Variants in FSD1L observed in about 807,000 individuals in gnomAD.
FSD1L encodes the protein FSD1-like protein.
Under a neutral mutation model 71.6 loss-of-function variants are expected in FSD1L, and 45 were observed. The observed-to-expected ratio is 0.63, with a 90% CI of 0.49 to 0.81. The LOEUF (loss-of-function observed/expected upper bound fraction) is 0.81, where lower values mean the gene tolerates loss of function less well. Ranked by LOEUF, FSD1L falls within the 30% of genes least tolerant of loss-of-function variation. The pLI is 0.00. For missense variants in FSD1L, 561 were observed against 618.1 expected (o/e 0.91, Z 0.98); for synonymous variants, 197 against 207.2 (o/e 0.95, Z 0.42).
chr9:105,457,959 G>A (rs919606321), intron 1 of FSD1L, among the ~76,000 whole-genome samples: 2 of 152,258 alleles, frequency 1.3e-5, no homozygotes. Context: ...ACACAGTGGT[G>A]CCTGAAAACT....
Position 105,546,540 on chromosome 9 carries a change from T to TTAC in FSD1L, c.*60_*62dup, listed in dbSNP as rs905521633. On this transcript the variant is annotated 3_prime_UTR_variant, in exon 14 of 14. Coordinates refer to ENST00000481272, the MANE Select transcript of FSD1L (RefSeq NM_001145313.3). ...TGATTAGGTGGCCTTTTCTGTGCAG[T>TTAC]TACTAATCACAGGAATTTGGTAGTA... The TTAC allele has an allele frequency of 2.6e-5, 38 of 1,449,082 alleles. No individual in the cohort carries two copies. In the African/African-American group the frequency reaches 5.2e-4, roughly 20 times the overall value. 89.8% of individuals were successfully genotyped at this position (1,449,082 alleles called of 1,614,324 possible).
intron 5 of FSD1L, 23 bp downstream of exon 5, chr9:105,472,028 C>G: frequency 7.1e-7 from 1 of 1,412,874 alleles, no homozygotes; most frequent in Non-Finnish European, 9.3e-7. Flanking sequence ...TGCATTAATA[C>G]ACTTAACAAG....
At chr9:105,457,814 C>G (rs1329359902) in intron 1 of FSD1L, among the ~76,000 whole-genome samples, 2 of 152,310 alleles carry the variant, frequency 1.3e-5, no homozygotes, top group East Asian at 3.9e-4. Context: ...TGTGCACAGC[C>G]TAGCATGCTG....
At chr9:105,479,672 A>G (rs1285200969) in intron 6 of FSD1L, among the ~76,000 whole-genome samples, 1 of 152,236 alleles carries the variant, frequency 6.6e-6, no homozygotes, top group Non-Finnish European at 1.5e-5. Context: ...AAAGGGAACT[A>G]TTTTGAATAA....
chr9:105,471,822 A>G (rs967922014), intron 4 of FSD1L, 82 bp from the exon 5 acceptor site: 1 of 509,936 alleles, frequency 2.0e-6, no homozygotes, highest in African/African-American at 2.0e-5. Context: ...TTGTAAGTTC[A>G]TTATAACAAT....
In FSD1L at chr9:105,468,431, C is replaced by T. The variant is rs746090809; in HGVS notation, c.339+107C>T. On this transcript the variant is annotated intron_variant, in intron 4 of 13. Transcript: ENST00000481272. ...TCTAAGTATAACTATACCCTTACCT[C>T]GTAGAAGAATGGTTTTTTGTTTTGG... The T allele has an allele frequency of 9.1e-5, 71 of 780,386 alleles. 1 individual carries two copies. The Admixed American group carries it at 1.2e-3, about 13-fold the overall frequency. The allele number at this position is 780,386 out of a possible 1,614,324, so 48.3% of individuals were successfully genotyped here.
intron 3 of FSD1L, among the ~76,000 whole-genome samples, chr9:105,465,457 A>G (rs553653875): frequency 5.3e-5 from 8 of 152,352 alleles, no homozygotes; most frequent in South Asian, 2.1e-4. Flanking sequence ...ACTACAAAAG[A>G]GAGAAATACA....
At chr9:105,522,986 G>T (rs924951061) in intron 10 of FSD1L, 1 of 1,613,888 alleles carries the variant, frequency 6.2e-7, no homozygotes, top group African/African-American at 1.3e-5. Flanking sequence ...ATAGTCATTC[G>T]GATTCTTTCA....
intron 10 of FSD1L, among the ~76,000 whole-genome samples, chr9:105,515,268 A>G (rs1220577366): frequency 6.6e-6 from 1 of 152,140 alleles, no homozygotes; most frequent in Non-Finnish European, 1.5e-5. Context: ...TCTTCTTTCC[A>G]GGAGAATTTC....
intron 5 of FSD1L, among the ~76,000 whole-genome samples, chr9:105,476,048 G>C (rs1448411407): frequency 6.6e-6 from 1 of 152,070 alleles, no homozygotes; most frequent in African/African-American, 2.4e-5. Flanking sequence ...TATCTTCAAA[G>C]TGCTTGATAA....
chr9:105,534,380 TATAACATA>T (rs1346580512), intron 10 of FSD1L, 105 bp from the exon 11 acceptor site: 1 of 604,990 alleles, frequency 1.7e-6, no homozygotes, highest in Non-Finnish European at 2.9e-6. Context: ...GTGTTATTTC[TATAACATA>T]ATTAGAAATC....
chr9:105,489,297 G>T (rs1832763409), intron 7 of FSD1L, among the ~76,000 whole-genome samples: 1 of 152,014 alleles, frequency 6.6e-6, no homozygotes. Flanking sequence ...ATATTGCTTT[G>T]GAGTTCTGAG....
At chr9:105,448,529 G>A (rs1360936987) in intron 1 of FSD1L, among the ~76,000 whole-genome samples, 2 of 152,252 alleles carry the variant, frequency 1.3e-5, no homozygotes, top group Non-Finnish European at 2.9e-5. Context: ...CAGCCACTCT[G>A]CAGCGCTTTA....
At chr9:105,519,880 G>A (rs1042473623) in intron 10 of FSD1L, among the ~76,000 whole-genome samples, 2 of 152,176 alleles carry the variant, frequency 1.3e-5, no homozygotes, top group African/African-American at 4.8e-5. Context: ...ACCTCGCTCC[G>A]TGCAGGGCCG....
intron 10 of FSD1L, among the ~76,000 whole-genome samples, chr9:105,518,170 A>G (rs902518498): frequency 1.3e-5 from 2 of 152,238 alleles, no homozygotes; most frequent in African/African-American, 4.8e-5. Context: ...GCAAGTTCTT[A>G]GAGACCAACA....
chr9:105,474,404 C>T (rs1224562571), intron 5 of FSD1L, among the ~76,000 whole-genome samples: 1 of 152,154 alleles, frequency 6.6e-6, no homozygotes, highest in Non-Finnish European at 1.5e-5. Context: ...CTGGGTTTAT[C>T]ATTTAGGAAA....
chr9:105,523,102 G>C, intron 10 of FSD1L: 1 of 1,614,120 alleles, frequency 6.2e-7, no homozygotes, highest in South Asian at 1.1e-5. Context: ...CATCATCAGA[G>C]TGCTGAAGAG....
intron 13 of FSD1L, among the ~76,000 whole-genome samples, chr9:105,543,456 T>C (rs1417349417): frequency 5.3e-5 from 8 of 152,212 alleles, no homozygotes; most frequent in African/African-American, 1.9e-4. Flanking sequence ...TATTATACTT[T>C]AAGTTCTAGG....
At chr9:105,477,767 A>G (rs1365073839) in intron 5 of FSD1L, among the ~76,000 whole-genome samples, 1 of 152,232 alleles carries the variant, frequency 6.6e-6, no homozygotes, top group East Asian at 1.9e-4. Context: ...CTGGTACTAC[A>G]GTAGTTTCAT....
Sources: allele counts gnomAD v4.1 joint callset (sites outside exome capture counted in the v4.1 genomes callset), GRCh38; gene constraint gnomAD v4.1.1; transcripts MANE v1.5; gene names NCBI Gene and HGNC (gene_info 2026-07-23, HGNC 2026-07-21).